The following TECR variants were observed in gnomAD, a reference collection of about 807,000 sequenced individuals.
TECR encodes trans-2,3-enoyl-CoA reductase, also known as very-long-chain enoyl-CoA reductase.
In TECR, 19 loss-of-function variants were observed where a neutral mutation model predicts 50.6. The ratio of observed to expected loss-of-function variants is 0.38; its 90% CI spans 0.26 to 0.55. TECR has a LOEUF of 0.55. TECR is among the 20% of genes least tolerant of loss of function. The pLI is 0.79. For missense variants in TECR, 313 were observed against 408.3 expected (o/e 0.77, Z 2.01); for synonymous variants, 168 against 163.5 (o/e 1.03, Z -0.21).
intron 1 of TECR, among the ~76,000 whole-genome samples, chr19:14,536,124 C>T (rs1010186596): frequency 6.6e-6 from 1 of 152,142 alleles, no homozygotes; most frequent in African/African-American, 2.4e-5. Flanking sequence ...GCCAGTTCCC[C>T]TTTGGGTTGG....
intron 1 of TECR, among the ~76,000 whole-genome samples, chr19:14,539,402 A>G (rs752578260): frequency 2.0e-5 from 3 of 151,962 alleles, no homozygotes; most frequent in Non-Finnish European, 4.4e-5. Flanking sequence ...ACAAAGAATC[A>G]TCCCAGGAAG....
intron 1 of TECR, among the ~76,000 whole-genome samples, chr19:14,557,908 A>G (rs1179983899): frequency 6.6e-6 from 1 of 151,268 alleles, no homozygotes; most frequent in Non-Finnish European, 1.5e-5. Context: ...GGCACCCACC[A>G]CCGCACCCGG....
At chr19:14,564,918 T>C in intron 8 of TECR, 31 bp from the exon 9 acceptor site, 1 of 1,613,894 alleles carries the variant, frequency 6.2e-7, no homozygotes, top group Non-Finnish European at 8.5e-7. Flanking sequence ...GGTCCTCCCC[T>C]CATGGGCTCC....
At position 14,563,711 on chromosome 19, in the gene TECR, A is replaced by G. The variant is rs2073972769; in HGVS notation, c.163+9A>G. On this transcript the variant is annotated intron_variant, in intron 4 of 12. Coordinates refer to ENST00000215567, the MANE Select transcript of TECR (RefSeq NM_138501.6). The surrounding 1 kb of genome is among the most constrained non-coding windows in gnomAD (Gnocchi z 5.3). ...CCTCCGCCTGGACCCCAGTGAGTACAGCTGTCCACTCGGCCCGCCCCCTGG... is the reference window on the plus strand; with the variant it reads ...CCTCCGCCTGGACCCCAGTGAGTACGGCTGTCCACTCGGCCCGCCCCCTGG... 6.2e-7 allele frequency: 1 copy of G among 1,613,208 alleles called. No homozygotes were observed. The highest frequency in any genetic ancestry group is 1.3e-5 in the African/African-American group (1 of 75,012).
chr19:14,551,294 C>T (rs113496412), intron 1 of TECR, among the ~76,000 whole-genome samples: 4 of 151,868 alleles, frequency 2.6e-5, no homozygotes, highest in African/African-American at 9.7e-5. Flanking sequence ...AGGCTACTCT[C>T]GAACTCCTGA....
intron 1 of TECR, among the ~76,000 whole-genome samples, chr19:14,534,239 C>T (rs539308406): frequency 9.9e-4 from 150 of 151,830 alleles, no homozygotes; most frequent in Admixed American, 9.6e-3. Flanking sequence ...ATTCTCCTGC[C>T]TCAGCCTCCC....
chr19:14,558,219 C>T (rs1401938389), intron 1 of TECR, among the ~76,000 whole-genome samples: 1 of 152,216 alleles, frequency 6.6e-6, no homozygotes, highest in Non-Finnish European at 1.5e-5. Context: ...GTCTGCTTCT[C>T]TGGGTTGTTC....
chr19:14,551,950 T>C (rs1390751623), intron 1 of TECR, among the ~76,000 whole-genome samples: 1 of 96,212 alleles, frequency 1.0e-5, no homozygotes, highest in Non-Finnish European at 2.1e-5. Flanking sequence ...TCCCTCCCTC[T>C]CTCTCTCTCT....
intron 1 of TECR, among the ~76,000 whole-genome samples, chr19:14,537,494 G>A (rs1450520498): frequency 6.6e-6 from 1 of 152,106 alleles, no homozygotes; most frequent in Admixed American, 6.6e-5. Flanking sequence ...TGCTTGGAAA[G>A]GCCTTGCGAC....
intron 1 of TECR, among the ~76,000 whole-genome samples, chr19:14,557,562 C>T (rs1024241095): frequency 1.3e-5 from 2 of 150,574 alleles, no homozygotes; most frequent in African/African-American, 4.9e-5. Flanking sequence ...AGCAATTCTC[C>T]TGCCACAGCC....
At chr19:14,552,877 G>T (rs1163090079) in intron 1 of TECR, among the ~76,000 whole-genome samples, 1 of 152,044 alleles carries the variant, frequency 6.6e-6, no homozygotes, top group Non-Finnish European at 1.5e-5. Flanking sequence ...CTGGGTGGCA[G>T]TCTCAGCATA....
chr19:14,535,245 T>C (rs112212830), intron 1 of TECR, among the ~76,000 whole-genome samples: 52,769 of 151,192 alleles, frequency 0.35, 9,575 homozygotes, highest in Non-Finnish European at 0.41. Flanking sequence ...CAGTGGCTCA[T>C]GCCTGTAATC....
intron 1 of TECR, among the ~76,000 whole-genome samples, chr19:14,543,150 G>A (rs931163356): frequency 2.0e-5 from 3 of 151,058 alleles, no homozygotes; most frequent in Non-Finnish European, 4.4e-5. Context: ...CTGAAGTCAC[G>A]GAGCTGAGCC....
At chr19:14,531,201 A>T (rs2072640801) in intron 1 of TECR, 1 of 147,640 alleles carries the variant, frequency 6.8e-6, no homozygotes, top group Non-Finnish European at 1.5e-5. Flanking sequence ...TGCCCGGCTA[A>T]TTTTTTGTAT....
At position 14,565,962 on chromosome 19, in the gene TECR, C is replaced by T. The variant is rs1851271748; in HGVS notation, c.*91C>T. 1 of 1,548,196 alleles carries T rather than the reference C, an allele frequency of 6.5e-7. No individual in the cohort carries two copies. Among genetic ancestry groups the T allele is most frequent in the South Asian group, 1.2e-5 (1 of 85,262 alleles). On this transcript the variant is annotated 3_prime_UTR_variant, in exon 13 of 13. Transcript: ENST00000215567. ...CAGCTCTCCAGCACCCGGAATAAAG[C>T]CCGCCTGCCCCAGTCGGACTCGGGC...
chr19:14,531,300 G>A (rs565082910), intron 1 of TECR: 10 of 152,086 alleles, frequency 6.6e-5, no homozygotes, highest in Non-Finnish European at 1.3e-4. Context: ...GCCTCCCAAA[G>A]TACTGGGATT....
At chr19:14,558,560 C>T (rs2073811935) in intron 1 of TECR, among the ~76,000 whole-genome samples, 1 of 152,168 alleles carries the variant, frequency 6.6e-6, no homozygotes, top group South Asian at 2.1e-4. Context: ...ACTGTCATCA[C>T]AGAGCCACAG....
intron 1 of TECR, among the ~76,000 whole-genome samples, chr19:14,551,340 A>G (rs1227395554): frequency 1.3e-5 from 2 of 152,066 alleles, no homozygotes; most frequent in East Asian, 3.8e-4. Context: ...CTCCCAGAGT[A>G]CTGGGATTAC....
At chr19:14,532,564 G>A (rs2072714633) in intron 1 of TECR, 2 of 149,136 alleles carry the variant, frequency 1.3e-5, no homozygotes, top group South Asian at 2.2e-4. Context: ...TGTTCAAAGT[G>A]ACCTTGAAGG....
Sources: gnomAD v4.1 joint callset for allele counts (sites outside exome capture counted in the v4.1 genomes callset) on GRCh38, gnomAD v4.1.1 for gene constraint, Gnocchi (gnomAD v3.1) non-coding constraint, MANE v1.5 for transcripts, NCBI Gene and HGNC (gene_info 2026-07-23, HGNC 2026-07-21) for gene names.